Variants in SCAPER observed in about 807,000 individuals in gnomAD.
SCAPER encodes S-phase cyclin A associated protein in the ER, also known as S phase cyclin A-associated protein in the endoplasmic reticulum.
In SCAPER, 98 loss-of-function variants were observed where a neutral mutation model predicts 182.2. The ratio of observed to expected loss-of-function variants is 0.54; its 90% CI spans 0.46 to 0.64. SCAPER has a LOEUF of 0.64. Among genes scored for constraint, SCAPER ranks in the 30% least tolerant of loss-of-function variants. The pLI, the probability that SCAPER is intolerant of heterozygous loss-of-function variation, is 0.00. For synonymous variants in SCAPER, 605 were observed against 564.6 expected, an observed-to-expected ratio of 1.07 and a Z score of -1.01; for missense variants, 1,432 against 1,690.0, an observed-to-expected ratio of 0.85 and a Z score of 2.68.
At chr15:76,796,399 C>T (rs2065331715) in intron 7 of SCAPER, among the ~76,000 whole-genome samples, 1 of 152,206 alleles carries the variant, frequency 6.6e-6, no homozygotes, top group South Asian at 2.1e-4. Flanking sequence ...ACTCTTTTTA[C>T]ACTCATATTT....
intron 23 of SCAPER, among the ~76,000 whole-genome samples, chr15:76,535,500 C>T (rs191497381): frequency 4.1e-4 from 47 of 113,284 alleles, no homozygotes; most frequent in Admixed American, 1.2e-3. Context: ...CCAGCCTGGG[C>T]GACAGAGCAA....
At chr15:76,518,736 C>T (rs1017151159) in intron 23 of SCAPER, among the ~76,000 whole-genome samples, 3 of 152,184 alleles carry the variant, frequency 2.0e-5, no homozygotes, top group East Asian at 1.9e-4. Context: ...CCTTTCAGCA[C>T]GGGGACTTCA....
intron 5 of SCAPER, among the ~76,000 whole-genome samples, chr15:76,821,588 C>T (rs1360218057): frequency 2.0e-5 from 3 of 152,048 alleles, no homozygotes; most frequent in African/African-American, 7.2e-5. Context: ...CAAGCCACTA[C>T]ACTCCAGCCT....
At chr15:76,566,109 GA>G (rs2047016167) in intron 23 of SCAPER, among the ~76,000 whole-genome samples, 1 of 152,066 alleles carries the variant, frequency 6.6e-6, no homozygotes, top group Admixed American at 6.6e-5. Flanking sequence ...TAATTAGGTT[GA>G]AAAAGCTCTT....
chr15:76,370,313 T>G (rs761821786), intron 29 of SCAPER, among the ~76,000 whole-genome samples: 441 of 87,876 alleles, frequency 5.0e-3, no homozygotes, highest in Non-Finnish European at 9.0e-3. Flanking sequence ...TTTTTTTTTT[T>G]TTTGTTTTAA....
chr15:76,730,989 GCCA>G (rs1301770675), intron 16 of SCAPER, among the ~76,000 whole-genome samples: 1 of 152,056 alleles, frequency 6.6e-6, no homozygotes, highest in Non-Finnish European at 1.5e-5. Context: ...AGAACTGGTA[GCCA>G]TACAGCTAAT....
At chr15:76,431,673 TAGCAAAAAAAAA>T in intron 26 of SCAPER, among the ~76,000 whole-genome samples, 1 of 15,304 alleles carries the variant, frequency 6.5e-5, no homozygotes, top group African/African-American at 4.2e-4. Context: ...TGAAAATGAT[TAGCAAAAAAAAA>T]AAAAAAAAAA....
intron 27 of SCAPER, among the ~76,000 whole-genome samples, chr15:76,396,325 T>G (rs2044051733): frequency 1.3e-5 from 2 of 152,208 alleles, no homozygotes; most frequent in African/African-American, 4.8e-5. Context: ...TGATTCTATA[T>G]ACATTTTAGG....
At chr15:76,494,522 GT>G (rs950756686) in intron 24 of SCAPER, among the ~76,000 whole-genome samples, 10 of 152,034 alleles carry the variant, frequency 6.6e-5, no homozygotes, top group African/African-American at 1.4e-4. Context: ...GCAACTCACA[GT>G]TTTTTTATAT....
At chr15:76,609,912 A>G (rs953927174) in intron 22 of SCAPER, among the ~76,000 whole-genome samples, 1 of 152,188 alleles carries the variant, frequency 6.6e-6, no homozygotes. Flanking sequence ...AGCATGGCTA[A>G]TGAGCATAAG....
At chr15:76,470,733 A>G (rs1027880463) in intron 25 of SCAPER, among the ~76,000 whole-genome samples, 31 of 152,196 alleles carry the variant, frequency 2.0e-4, no homozygotes, top group African/African-American at 6.8e-4. Context: ...TTTCAACAAT[A>G]TAACAAGTTT....
At chr15:76,795,231 A>C in intron 8 of SCAPER, 49 bp downstream of exon 8, 1 of 1,553,594 alleles carries the variant, frequency 6.4e-7, no homozygotes, top group Non-Finnish European at 8.8e-7. Context: ...AAGTATCTCT[A>C]TATATCCACC....
intron 27 of SCAPER, among the ~76,000 whole-genome samples, chr15:76,390,285 T>G (rs2043597933): frequency 6.6e-6 from 1 of 152,134 alleles, no homozygotes; most frequent in Admixed American, 6.5e-5. Flanking sequence ...GGAACCTTCC[T>G]GAAAGGAGAA....
At chr15:76,675,508 T>C (rs188538604) in intron 20 of SCAPER, among the ~76,000 whole-genome samples, 1 of 152,290 alleles carries the variant, frequency 6.6e-6, no homozygotes, top group Non-Finnish European at 1.5e-5. Context: ...TCTGAGGCTA[T>C]GGAACAGGAC....
intron 11 of SCAPER, 71 bp downstream of exon 11, chr15:76,766,847 T>C: frequency 1.5e-6 from 2 of 1,311,304 alleles, no homozygotes; most frequent in South Asian, 1.5e-5. Flanking sequence ...ACTCCAAGTC[T>C]TTCTGGCCCA....
chr15:76,613,807 G>C (rs1458457835), intron 22 of SCAPER, among the ~76,000 whole-genome samples: 12 of 152,210 alleles, frequency 7.9e-5, no homozygotes, highest in Non-Finnish European at 1.8e-4. Flanking sequence ...CACACTGTTG[G>C]TGGGAGTGTA....
intron 23 of SCAPER, among the ~76,000 whole-genome samples, chr15:76,528,091 G>T (rs2043342552): frequency 6.6e-6 from 1 of 152,080 alleles, no homozygotes; most frequent in African/African-American, 2.4e-5. Flanking sequence ...AGTTTTGCAG[G>T]CCAAGAAGCA....
intron 21 of SCAPER, among the ~76,000 whole-genome samples, chr15:76,642,742 C>A (rs2054201504): frequency 6.6e-6 from 1 of 152,098 alleles, no homozygotes; most frequent in African/African-American, 2.4e-5. Flanking sequence ...TGACCCTATT[C>A]TACTTTTTCA....
chr15:76,742,120 A>G (rs1383398299), intron 15 of SCAPER, among the ~76,000 whole-genome samples: 1 of 152,114 alleles, frequency 6.6e-6, no homozygotes, highest in Non-Finnish European at 1.5e-5. Flanking sequence ...GATGGTGTTC[A>G]TATGAAGTGA....
Sources: allele counts gnomAD v4.1 joint callset (sites outside exome capture counted in the v4.1 genomes callset), GRCh38; gene constraint gnomAD v4.1.1; transcripts MANE v1.5; gene names NCBI Gene and HGNC (gene_info 2026-07-23, HGNC 2026-07-21).